DLG2: variants seen among roughly 807,000 people sequenced by gnomAD.
DLG2 encodes discs large MAGUK scaffold protein 2, also known as disks large homolog 2.
In DLG2, 45 loss-of-function variants were observed where a neutral mutation model predicts 132.5. That is an observed-to-expected ratio of 0.34 (90% CI 0.27 to 0.44). The LOEUF is 0.44. Ranked by LOEUF, DLG2 falls within the 20% of genes least tolerant of loss-of-function variation. DLG2 has a pLI of 1.00. For synonymous variants in DLG2, 424 were observed against 419.6 expected (o/e 1.01, Z -0.13); for missense variants, 1,045 against 1,196.9 (o/e 0.87, Z 1.87).
intron 6 of DLG2, among the ~76,000 whole-genome samples, chr11:85,075,067 C>A (rs1310393006): frequency 6.6e-6 from 1 of 151,798 alleles, no homozygotes; most frequent in African/African-American, 2.4e-5. Context: ...TTCAGCCTTA[C>A]ACATGAGGAG....
rs1156812939 is a variant in DLG2 at position 84,614,328 on chromosome 11, C to G, written c.358-79597G>C. Among the ~76,000 whole-genome samples the G allele has an allele frequency of 2.0e-5, 3 of 152,070 alleles. No individual in the cohort carries two copies. The East Asian group carries it at 5.8e-4, about 29-fold the overall frequency. On this transcript the variant is annotated intron_variant, in intron 6 of 27. Coordinates refer to ENST00000376104, the MANE Select transcript of DLG2 (RefSeq NM_001142699.3). ...CTTTATGAAAGAGGTAACGTCTGAG[C>G]TGACACTGCAGCATAAGCCAACAGA...
Position 85,333,143 on chromosome 11 carries a change from G to A in DLG2, c.41-47778C>T, listed in dbSNP as rs544374497. 2.6e-5 allele frequency among the ~76,000 whole-genome samples: 4 copies of A among 151,948 alleles called. No homozygotes were observed. The East Asian group carries it at 5.8e-4, about 22-fold the overall frequency. ...AATTCTTTCAGCAAGTGTTCTCATT[G>A]CAGAGATTTTTTACCTCCCTGATTA... On this transcript the variant is annotated intron_variant, in intron 3 of 27. Coordinates refer to ENST00000376104, the MANE Select transcript of DLG2 (RefSeq NM_001142699.3).
chr11:83,854,045 A>G (rs995682952), intron 16 of DLG2, among the ~76,000 whole-genome samples: 3 of 152,184 alleles, frequency 2.0e-5, no homozygotes, highest in Non-Finnish European at 4.4e-5. Context: ...AGAATAAAGG[A>G]TTAGTACAAA....
At chr11:84,986,379 C>A (rs763752363) in intron 6 of DLG2, among the ~76,000 whole-genome samples, 2 of 152,082 alleles carry the variant, frequency 1.3e-5, no homozygotes, top group African/African-American at 2.4e-5. Flanking sequence ...TGGTACCAAC[C>A]CTATTGACAC....
At chr11:83,538,638 G>A (rs2095964187) in intron 20 of DLG2, among the ~76,000 whole-genome samples, 1 of 152,122 alleles carries the variant, frequency 6.6e-6, no homozygotes, top group South Asian at 2.1e-4. Flanking sequence ...TTCCTTATGA[G>A]GTTTTTGTGT....
In DLG2 at chr11:84,777,414, G is replaced by A. The variant is rs1340112838; in HGVS notation, c.358-242683C>T. Among the ~76,000 whole-genome samples the A allele has an allele frequency of 2.0e-5, 3 of 149,868 alleles. No individual in the cohort carries two copies. The Admixed American group carries it at 2.0e-4, about 10-fold the overall frequency. ...GAATAGTGCTGTGATAAACGTAACA[G>A]TGTAGGTATCTTTTTGATATATTGA... On this transcript the variant is annotated intron_variant, in intron 6 of 27. Transcript: ENST00000376104.
intron 6 of DLG2, chr11:84,545,008 T>C: frequency 2.4e-6 from 1 of 421,486 alleles, no homozygotes; most frequent in South Asian, 1.8e-5. Context: ...GTCTAAAACA[T>C]GTTTTCTTTG....
intron 15 of DLG2, among the ~76,000 whole-genome samples, chr11:83,875,930 T>C (rs151097357): frequency 1.3e-3 from 192 of 152,266 alleles, no homozygotes; most frequent in African/African-American, 4.4e-3. Flanking sequence ...ACCTACAGAA[T>C]CATATTCAAG....
intron 7 of DLG2, among the ~76,000 whole-genome samples, chr11:84,410,465 A>G (rs536809201): frequency 3.3e-5 from 5 of 152,184 alleles, no homozygotes; most frequent in African/African-American, 1.2e-4. Context: ...TCATCAGTCA[A>G]TTTAGACAGC....
chr11:84,122,842 C>A (rs2093992970), intron 9 of DLG2, among the ~76,000 whole-genome samples: 1 of 151,986 alleles, frequency 6.6e-6, no homozygotes, highest in South Asian at 2.1e-4. Flanking sequence ...CACATAGACA[C>A]ACACACGCAC....
At chr11:84,367,695 C>T (rs1734280978) in intron 7 of DLG2, among the ~76,000 whole-genome samples, 1 of 152,086 alleles carries the variant, frequency 6.6e-6, no homozygotes, top group Non-Finnish European at 1.5e-5. Context: ...CAGTGTACCC[C>T]TCTTGCCATG....
chr11:85,189,047 A>T (rs1202570088), intron 4 of DLG2, among the ~76,000 whole-genome samples: 1 of 152,174 alleles, frequency 6.6e-6, no homozygotes, highest in African/African-American at 2.4e-5. Flanking sequence ...ACATCACAGA[A>T]AAACTGTTGA....
intron 7 of DLG2, among the ~76,000 whole-genome samples, chr11:84,395,430 T>C (rs2098807736): frequency 6.6e-6 from 1 of 152,138 alleles, no homozygotes; most frequent in South Asian, 2.1e-4. Context: ...CTTTTTTCCT[T>C]TTTGGAGACA....
intron 26 of DLG2, among the ~76,000 whole-genome samples, chr11:83,466,375 G>A (rs2091042386): frequency 1.3e-5 from 2 of 152,118 alleles, no homozygotes; most frequent in South Asian, 4.1e-4. Flanking sequence ...ATCAAGCCAA[G>A]CTATCCTCAA....
At chr11:84,273,363 G>C (rs2097755681) in intron 7 of DLG2, 1 of 1,295,580 alleles carries the variant, frequency 7.7e-7, no homozygotes, top group African/African-American at 1.6e-5. Context: ...TTCTTAATTA[G>C]ATCTGCTACA....
Position 85,148,250 on chromosome 11 carries a change from T to C in DLG2, c.282+6306A>G, listed in dbSNP as rs1445841951. On this transcript the variant is annotated intron_variant, in intron 5 of 27. Transcript: ENST00000376104. ...TATCTTTATAACGGAATGATTTATA[T>C]TCCTTTGGGTATATACCTAGTAATG... Among the ~76,000 whole-genome samples the C allele has an allele frequency of 2.6e-5, 4 of 152,160 alleles. No homozygotes were observed. The East Asian group carries it at 5.8e-4, about 22-fold the overall frequency.
At position 84,934,546 on chromosome 11, in the gene DLG2, T is replaced by TTTTTTTTTTTG. The variant is rs1183459468; in HGVS notation, c.357+177114_357+177115insCAAAAAAAAAA. 2.3e-4 allele frequency among the ~76,000 whole-genome samples: 29 copies of TTTTTTTTTTTG among 128,718 alleles called. 1 individual carries two copies. The highest frequency in any genetic ancestry group is 3.9e-4 in the Non-Finnish European group (24 of 61,562). 84.4% of individuals were successfully genotyped at this position (128,718 alleles called of 152,430 possible). On this transcript the variant is annotated intron_variant, in intron 6 of 27. Coordinates refer to ENST00000376104, the MANE Select transcript of DLG2 (RefSeq NM_001142699.3). The stretch of plus-strand genomic sequence containing the variant: ...TTTTGTTTTTTTTTTTTTTTTTTTT[T>TTTTTTTTTTTG]GGTGGGTAGGCTATTTATTACTGTC...
Position 84,465,055 on chromosome 11 carries a change from G to A in DLG2, c.519+69515C>T, listed in dbSNP as rs149446857. On this transcript the variant is annotated intron_variant, in intron 7 of 27. Transcript: ENST00000376104. ...GTCATAGTATGTAGAACATTAAGTC[G>A]TACTATGTAGACTATCACAGTAAAT... Among the ~76,000 whole-genome samples the A allele has an allele frequency of 9.5e-3, 1,443 of 151,272 alleles. 86 individuals are homozygous for A. The highest frequency in any genetic ancestry group is 1.6e-3 in the Non-Finnish European group (109 of 67,464).
chr11:84,002,239 T>A (rs911873087), intron 11 of DLG2, among the ~76,000 whole-genome samples: 2 of 152,184 alleles, frequency 1.3e-5, no homozygotes, highest in Non-Finnish European at 2.9e-5. Flanking sequence ...CATTGATACA[T>A]GCATTAGTCT....
Sources: allele counts gnomAD v4.1 joint callset (sites outside exome capture counted in the v4.1 genomes callset), GRCh38; gene constraint gnomAD v4.1.1; transcripts MANE v1.5; gene names NCBI Gene and HGNC (gene_info 2026-07-23, HGNC 2026-07-21).